STXBP5L: variants seen among roughly 807,000 people sequenced by gnomAD.
STXBP5L encodes the protein syntaxin-binding protein 5-like.
A neutral mutation model predicts 144.5 loss-of-function variants in STXBP5L; 65 were observed. The observed-to-expected ratio is 0.45, with a 90% CI of 0.37 to 0.55. STXBP5L has a LOEUF of 0.55. STXBP5L is among the 20% of genes least tolerant of loss of function. The pLI, the probability that STXBP5L is intolerant of heterozygous loss-of-function variation, is 0.00. For synonymous variants in STXBP5L, 505 were observed against 469.6 expected (o/e 1.08, Z -0.97); for missense variants, 1,298 against 1,405.5 (o/e 0.92, Z 1.22).
intron 3 of STXBP5L, among the ~76,000 whole-genome samples, chr3:120,973,190 G>T (rs1032733810): frequency 3.3e-5 from 5 of 152,156 alleles, no homozygotes; most frequent in Non-Finnish European, 5.9e-5. Flanking sequence ...CTGTGAATTT[G>T]TCTGGTCCTA....
chr3:121,181,037 T>G (rs142787126), intron 9 of STXBP5L, among the ~76,000 whole-genome samples: 9 of 151,476 alleles, frequency 5.9e-5, no homozygotes, highest in Non-Finnish European at 8.8e-5. Context: ...TAACATTGAA[T>G]GTAAATGGCC....
chr3:121,279,481 A>C (rs993006676), intron 18 of STXBP5L, among the ~76,000 whole-genome samples: 11 of 151,924 alleles, frequency 7.2e-5, no homozygotes, highest in African/African-American at 2.7e-4. Flanking sequence ...TCCCCCTTGC[A>C]TAGCAAAAAG....
At chr3:121,363,193 G>T (rs562915156) in intron 20 of STXBP5L, among the ~76,000 whole-genome samples, 15 of 152,252 alleles carry the variant, frequency 9.9e-5, no homozygotes, top group Admixed American at 9.8e-4. Context: ...GAGCTGTGCA[G>T]CCTGGGGTTA....
chr3:121,189,008 G>A lies in STXBP5L; in HGVS notation c.878-16915G>A, dbSNP rs183588905. On this transcript the variant is annotated intron_variant, in intron 9 of 26. Transcript: ENST00000471454. ...AAAGGGTATTCAATTAGGAAAAGAG[G>A]AAGTCAAATTGTCCCAGTTTGCAGA... Among the ~76,000 whole-genome samples, 508 of 152,300 alleles carry A rather than the reference G, an allele frequency of 3.3e-3. 3 individuals carry two copies. The highest frequency in any genetic ancestry group is 0.011 in the African/African-American group (471 of 41,578).
At chr3:121,306,195 G>A (rs1301718446) in intron 19 of STXBP5L, among the ~76,000 whole-genome samples, 1 of 152,120 alleles carries the variant, frequency 6.6e-6, no homozygotes, top group African/African-American at 2.4e-5. Context: ...CTGAAACTTG[G>A]TAGAAACAAT....
chr3:121,155,984 T>C (rs1245124953), intron 8 of STXBP5L, among the ~76,000 whole-genome samples: 2 of 151,846 alleles, frequency 1.3e-5, no homozygotes, highest in East Asian at 3.8e-4. Context: ...AGTTAACATG[T>C]AGGGGAGGCA....
chr3:120,962,968 T>G (rs926602265), intron 3 of STXBP5L, among the ~76,000 whole-genome samples: 1 of 152,238 alleles, frequency 6.6e-6, no homozygotes, highest in Non-Finnish European at 1.5e-5. Context: ...TGGTTTGTAG[T>G]TCTTCTTCAA....
intron 14 of STXBP5L, 102 bp from the exon 15 acceptor site, chr3:121,250,621 A>C: frequency 1.0e-6 from 1 of 953,860 alleles, no homozygotes; most frequent in East Asian, 2.7e-5. Context: ...GGTATTTTTG[A>C]ATCAAAATTG....
chr3:121,114,757 TATA>T (rs1335658409), intron 5 of STXBP5L, among the ~76,000 whole-genome samples, 165 bp from the exon 6 acceptor site: 1 of 152,300 alleles, frequency 6.6e-6, no homozygotes, highest in South Asian at 2.1e-4. Flanking sequence ...TTTTTAACGC[TATA>T]ATATTATTTA....
intron 20 of STXBP5L, among the ~76,000 whole-genome samples, chr3:121,330,384 T>C (rs761090780): frequency 2.6e-5 from 4 of 152,158 alleles, no homozygotes; most frequent in African/African-American, 4.8e-5. Context: ...AGAACTGCCT[T>C]CTGATTTCCC....
chr3:120,997,943 A>G (rs1943478332), intron 3 of STXBP5L, among the ~76,000 whole-genome samples: 1 of 152,214 alleles, frequency 6.6e-6, no homozygotes, highest in African/African-American at 2.4e-5. Context: ...CAAATCAATA[A>G]TTTTGATTCA....
chr3:121,231,192 G>T (rs571175738), intron 11 of STXBP5L, among the ~76,000 whole-genome samples: 48 of 152,244 alleles, frequency 3.2e-4, no homozygotes, highest in Non-Finnish European at 5.3e-4. Context: ...GGGTCCCTAA[G>T]GGTCTTACCC....
intron 5 of STXBP5L, among the ~76,000 whole-genome samples, chr3:121,053,961 A>G (rs1375986207): frequency 6.6e-6 from 1 of 152,224 alleles, no homozygotes; most frequent in Admixed American, 6.5e-5. Flanking sequence ...AAAAGAAGAC[A>G]TTTATGCAGC....
intron 10 of STXBP5L, among the ~76,000 whole-genome samples, chr3:121,207,820 AAGTC>A (rs34172051): frequency 0.098 from 14,967 of 152,082 alleles, 1,107 homozygotes; most frequent in Admixed American, 0.2. Context: ...GATCATTAAA[AAGTC>A]AGGAAAAAGC....
At chr3:121,233,383 T>C (rs1477031763) in intron 11 of STXBP5L, among the ~76,000 whole-genome samples, 2 of 152,198 alleles carry the variant, frequency 1.3e-5, no homozygotes, top group Non-Finnish European at 2.9e-5. Context: ...TATTGAGATA[T>C]ATTTATACTA....
intron 2 of STXBP5L, among the ~76,000 whole-genome samples, chr3:120,942,976 G>A (rs896858791): frequency 4.0e-5 from 6 of 151,492 alleles, no homozygotes; most frequent in Non-Finnish European, 5.9e-5. Flanking sequence ...TATAATCATG[G>A]TTTTATTCTT....
intron 20 of STXBP5L, among the ~76,000 whole-genome samples, chr3:121,354,929 T>C (rs2045447420): frequency 6.6e-6 from 1 of 152,182 alleles, no homozygotes; most frequent in African/African-American, 2.4e-5. Context: ...TGTAAAGGAT[T>C]TTATTTCTCC....
At chr3:121,159,822 C>T (rs1465826265) in intron 9 of STXBP5L, among the ~76,000 whole-genome samples, 2 of 151,626 alleles carry the variant, frequency 1.3e-5, no homozygotes, top group South Asian at 2.1e-4. Flanking sequence ...TTAGTAGAGA[C>T]GGGGTTTCAC....
intron 9 of STXBP5L, among the ~76,000 whole-genome samples, chr3:121,165,162 C>T (rs1504538): frequency 0.51 from 77,623 of 151,928 alleles, 20,279 homozygotes; most frequent in Admixed American, 0.6. Flanking sequence ...ATAAAATTTA[C>T]TTTTAAAAAT....
Sources: gnomAD v4.1 joint callset for allele counts (sites outside exome capture counted in the v4.1 genomes callset) on GRCh38, gnomAD v4.1.1 for gene constraint, MANE v1.5 for transcripts, NCBI Gene and HGNC (gene_info 2026-07-23, HGNC 2026-07-21) for gene names.